Variants in AGBL4 observed in about 807,000 individuals in gnomAD.
The protein encoded by AGBL4 is AGBL carboxypeptidase 4.
AGBL4 carries 58 observed loss-of-function variants against 66.4 expected under a neutral mutation model. That is an observed-to-expected ratio of 0.87 (90% CI 0.71 to 1.09). AGBL4 has a LOEUF of 1.09. Among genes scored for constraint, AGBL4 ranks in the 50% least tolerant of loss-of-function variants. The pLI is 0.00. For missense variants in AGBL4, 579 were observed against 631.0 expected, an observed-to-expected ratio of 0.92 and a Z score of 0.88; for synonymous variants, 234 against 222.9, an observed-to-expected ratio of 1.05 and a Z score of -0.44.
intron 3 of AGBL4, among the ~76,000 whole-genome samples, chr1:49,531,365 G>C (rs1651127038): frequency 6.6e-6 from 1 of 151,936 alleles, no homozygotes; most frequent in African/African-American, 2.4e-5. Flanking sequence ...TTCTATGTTG[G>C]GCATTCTATG....
At chr1:49,785,105 T>C (rs1644420504) in intron 2 of AGBL4, among the ~76,000 whole-genome samples, 1 of 152,082 alleles carries the variant, frequency 6.6e-6, no homozygotes, top group Non-Finnish European at 1.5e-5. Flanking sequence ...TTACTTTTTA[T>C]AGGTGACTCT....
chr1:49,865,470 G>A (rs753856633), intron 1 of AGBL4, among the ~76,000 whole-genome samples: 1 of 152,152 alleles, frequency 6.6e-6, no homozygotes, highest in Non-Finnish European at 1.5e-5. Context: ...GGCAAATAGA[G>A]TCTGGAGCAG....
intron 3 of AGBL4, among the ~76,000 whole-genome samples, chr1:49,527,060 T>C (rs1258657225): frequency 1.3e-5 from 2 of 152,170 alleles, no homozygotes; most frequent in African/African-American, 4.8e-5. Flanking sequence ...GTTAAGTAAA[T>C]ACTATGTGTC....
intron 4 of AGBL4, among the ~76,000 whole-genome samples, chr1:49,094,971 G>A (rs1645068346): frequency 6.6e-6 from 1 of 152,114 alleles, no homozygotes; most frequent in African/African-American, 2.4e-5. Flanking sequence ...AAGCTGATAA[G>A]CAACTTCAGC....
At chr1:49,946,319 G>A (rs1038579175) in intron 1 of AGBL4, among the ~76,000 whole-genome samples, 1 of 151,856 alleles carries the variant, frequency 6.6e-6, no homozygotes, top group African/African-American at 2.4e-5. Context: ...TACAAAACAA[G>A]CCTCAATAAA....
the AGBL4 span, among the ~76,000 whole-genome samples, chr1:48,523,896 G>A: frequency 4.6e-5 from 7 of 152,128 alleles, no homozygotes; most frequent in East Asian, 1.9e-4. Context: ...CTACAAACCC[G>A]TCAAGTATGT....
chr1:49,288,008 T>C (rs61783590), intron 3 of AGBL4, among the ~76,000 whole-genome samples: 1 of 131,108 alleles, frequency 7.6e-6, no homozygotes, highest in Non-Finnish European at 1.6e-5. Context: ...ATGTGGCACA[T>C]ATACACCATG....
At chr1:49,917,290 C>A (rs1230325466) in intron 1 of AGBL4, among the ~76,000 whole-genome samples, 3 of 151,670 alleles carry the variant, frequency 2.0e-5, no homozygotes, top group East Asian at 1.9e-4. Flanking sequence ...CACAGACTGG[C>A]AAATTGGATA....
intron 1 of AGBL4, among the ~76,000 whole-genome samples, chr1:49,856,187 C>G (rs1004157264): frequency 6.6e-6 from 1 of 151,692 alleles, no homozygotes; most frequent in Non-Finnish European, 1.5e-5. Flanking sequence ...AAGACTGAAC[C>G]AGAAATAAAT....
At chr1:49,045,984 C>T (rs542028032) in intron 4 of AGBL4, among the ~76,000 whole-genome samples, 184 bp from the exon 5 acceptor site, 2 of 152,314 alleles carry the variant, frequency 1.3e-5, no homozygotes, top group African/African-American at 4.8e-5. Flanking sequence ...CAGCTCTTTG[C>T]TCACAATCCA....
chr1:49,345,618 A>G (rs72897794), intron 3 of AGBL4, among the ~76,000 whole-genome samples: 2,674 of 152,254 alleles, frequency 0.018, 75 homozygotes, highest in African/African-American at 0.052. Context: ...TTTTTGCCTA[A>G]ATTGTTGGTG....
At chr1:49,071,790 C>T (rs191479037) in intron 4 of AGBL4, among the ~76,000 whole-genome samples, 115 of 151,562 alleles carry the variant, frequency 7.6e-4, no homozygotes, top group South Asian at 5.6e-3. Context: ...TTCAAGTCCC[C>T]GATATCCTTG....
intron 2 of AGBL4, among the ~76,000 whole-genome samples, chr1:49,735,195 T>C (rs993800088): frequency 3.9e-5 from 6 of 151,994 alleles, no homozygotes; most frequent in African/African-American, 1.5e-4. Flanking sequence ...TTTGCAGGTG[T>C]GATTACAGTA....
At chr1:48,669,266 C>A (rs1331176079) in intron 6 of AGBL4, among the ~76,000 whole-genome samples, 1 of 152,190 alleles carries the variant, frequency 6.6e-6, no homozygotes, top group African/African-American at 2.4e-5. Flanking sequence ...GACTTTATAT[C>A]CCTGCCACAT....
intron 1 of AGBL4, among the ~76,000 whole-genome samples, chr1:50,018,720 C>G (rs1439723060): frequency 1.3e-5 from 2 of 152,036 alleles, no homozygotes; most frequent in African/African-American, 2.4e-5. Context: ...ATTCACGGAT[C>G]TCAGAAATAC....
chr1:49,335,305 T>G (rs1458808698), intron 3 of AGBL4, among the ~76,000 whole-genome samples: 1 of 152,160 alleles, frequency 6.6e-6, no homozygotes, highest in Non-Finnish European at 1.5e-5. Flanking sequence ...ACCTGTTCAC[T>G]TCTATTATTA....
intron 4 of AGBL4, among the ~76,000 whole-genome samples, chr1:49,211,848 T>C (rs1648693655): frequency 6.6e-6 from 1 of 152,102 alleles, no homozygotes; most frequent in Non-Finnish European, 1.5e-5. Context: ...CAACAACCAT[T>C]TGAAGTAGGT....
intron 8 of AGBL4, among the ~76,000 whole-genome samples, chr1:48,639,973 G>T (rs998391307): frequency 2.0e-5 from 3 of 152,152 alleles, no homozygotes; most frequent in Admixed American, 2.0e-4. Flanking sequence ...CAGATGCCAG[G>T]CTCTCACTCC....
chr1:48,653,791 A>T (rs1645972935), intron 7 of AGBL4, among the ~76,000 whole-genome samples: 1 of 152,138 alleles, frequency 6.6e-6, no homozygotes, highest in Admixed American at 6.5e-5. Context: ...AGAGATGGGG[A>T]GAGGTGGGCT....
Sources: gnomAD v4.1 joint callset for allele counts (sites outside exome capture counted in the v4.1 genomes callset) on GRCh38, gnomAD v4.1.1 for gene constraint, MANE v1.5 for transcripts, NCBI Gene and HGNC (gene_info 2026-07-23, HGNC 2026-07-21) for gene names.